SBF2: variants seen among roughly 807,000 people sequenced by gnomAD.
SBF2 encodes the protein myotubularin-related protein 13.
SBF2 carries 112 observed loss-of-function variants against 225.2 expected under a neutral mutation model. The observed-to-expected ratio is 0.50, with a 90% confidence interval of 0.43 to 0.58. The LOEUF (loss-of-function observed/expected upper bound fraction) is 0.58, where lower values mean the gene tolerates loss of function less well. Ranked by LOEUF, SBF2 falls within the 20% of genes least tolerant of loss-of-function variation. SBF2 has a pLI of 0.00. For missense variants in SBF2, 1,996 were observed against 2,206.2 expected, an observed-to-expected ratio of 0.90 and a Z score of 1.91; for synonymous variants, 763 against 773.3, an observed-to-expected ratio of 0.99 and a Z score of 0.22.
At chr11:9,988,737 A>C (rs1947295495) in intron 13 of SBF2, among the ~76,000 whole-genome samples, 1 of 152,206 alleles carries the variant, frequency 6.6e-6, no homozygotes, top group Non-Finnish European at 1.5e-5. Context: ...GGCCATAATC[A>C]AAAGATAAAA....
intron 1 of SBF2, among the ~76,000 whole-genome samples, chr11:10,223,434 T>TATATAG (rs1555082992): frequency 1.6e-5 from 2 of 122,632 alleles, no homozygotes; most frequent in East Asian, 4.4e-4. Context: ...TATATATATA[T>TATATAG]ATATATATAG....
At chr11:10,094,993 C>T (rs924743613) in intron 2 of SBF2, among the ~76,000 whole-genome samples, 6 of 151,720 alleles carry the variant, frequency 4.0e-5, no homozygotes, top group Non-Finnish European at 8.8e-5. Flanking sequence ...AAAAAGGAAC[C>T]ATCGAAGCCA....
Position 9,980,568 on chromosome 11 carries a change from T to C in SBF2, c.1395+8929A>G, listed in dbSNP as rs549421789. Among the ~76,000 whole-genome samples, 64 of 152,166 alleles carry C rather than the reference T, an allele frequency of 4.2e-4. 1 individual carries two copies. The highest frequency in any genetic ancestry group is 1.4e-3 in the African/African-American group (60 of 41,524). ...AGAATTTATAATGAACCACTAGCAATTGATAAAACAGAACTTAAGAATTTT... is the reference window on the plus strand; with the variant it reads ...AGAATTTATAATGAACCACTAGCAACTGATAAAACAGAACTTAAGAATTTT... On this transcript the variant is annotated intron_variant, in intron 13 of 39. Transcript: ENST00000256190.
At chr11:9,900,787 T>C (rs549076230) in intron 16 of SBF2, among the ~76,000 whole-genome samples, 1 of 152,198 alleles carries the variant, frequency 6.6e-6, no homozygotes, top group Non-Finnish European at 1.5e-5. Context: ...TTGCCTAGGC[T>C]GTGCAGTGGC....
At chr11:10,294,720 T>C (rs562228835), upstream of SBF2, among the ~76,000 whole-genome samples, 1 of 152,258 alleles carries the variant, frequency 6.6e-6, no homozygotes, top group South Asian at 2.1e-4. Context: ...TTTTACGCAA[T>C]CCTCCAAGGA....
At chr11:10,115,542 G>T (rs1953096545) in intron 2 of SBF2, among the ~76,000 whole-genome samples, 1 of 152,082 alleles carries the variant, frequency 6.6e-6, no homozygotes, top group South Asian at 2.1e-4. Flanking sequence ...TGTTCATTTG[G>T]AGTACACATA....
chr11:9,858,024 G>A (rs1045308720), intron 18 of SBF2, among the ~76,000 whole-genome samples: 3 of 152,140 alleles, frequency 2.0e-5, no homozygotes, highest in Non-Finnish European at 1.5e-5. Context: ...CAATCCTAGT[G>A]CTGAAGAACT....
chr11:10,000,631 A>G (rs1250369604), intron 8 of SBF2, among the ~76,000 whole-genome samples: 1 of 152,178 alleles, frequency 6.6e-6, no homozygotes, highest in African/African-American at 2.4e-5. Context: ...GTATAAATAG[A>G]ATTTTATCTT....
At chr11:9,953,575 G>T (rs1865985042) in intron 16 of SBF2, among the ~76,000 whole-genome samples, 1 of 152,210 alleles carries the variant, frequency 6.6e-6, no homozygotes, top group Admixed American at 6.5e-5. Context: ...AGTAAATAAG[G>T]ATTACTTTAT....
intron 2 of SBF2, among the ~76,000 whole-genome samples, chr11:10,090,293 C>T (rs1951724626): frequency 1.3e-5 from 2 of 152,046 alleles, no homozygotes; most frequent in Non-Finnish European, 2.9e-5. Context: ...TACTTAATGC[C>T]ACTGAACCAT....
At chr11:10,209,855 C>T (rs1465934134) in intron 1 of SBF2, among the ~76,000 whole-genome samples, 2 of 152,052 alleles carry the variant, frequency 1.3e-5, no homozygotes, top group Non-Finnish European at 2.9e-5. Context: ...GTCTCGAAGA[C>T]AACACTCAGG....
At chr11:10,132,542 G>A (rs1166685471) in intron 2 of SBF2, among the ~76,000 whole-genome samples, 3 of 147,728 alleles carry the variant, frequency 2.0e-5, no homozygotes, top group East Asian at 2.2e-4. Context: ...TTAAGGCAGC[G>A]CGTCTGGAGT....
intron 2 of SBF2, among the ~76,000 whole-genome samples, chr11:10,106,938 G>C (rs1310747275): frequency 6.6e-6 from 1 of 152,076 alleles, no homozygotes; most frequent in African/African-American, 2.4e-5. Flanking sequence ...TAATTCATTA[G>C]ACAAATGGAA....
At chr11:10,023,715 C>T (rs1010889463) in intron 6 of SBF2, among the ~76,000 whole-genome samples, 1 of 152,114 alleles carries the variant, frequency 6.6e-6, no homozygotes, top group Non-Finnish European at 1.5e-5. Context: ...TTCCATTTTA[C>T]GGCTGAATAA....
chr11:10,159,185 C>G (rs1344328525), intron 2 of SBF2, among the ~76,000 whole-genome samples: 2 of 152,136 alleles, frequency 1.3e-5, no homozygotes, highest in African/African-American at 4.8e-5. Context: ...CCAAGCTGTC[C>G]TTGTTTGTTC....
At chr11:10,203,348 T>C (rs1957634253) in intron 1 of SBF2, among the ~76,000 whole-genome samples, 1 of 152,136 alleles carries the variant, frequency 6.6e-6, no homozygotes. Flanking sequence ...CATAATTCAC[T>C]AGGCATCAGG....
intron 1 of SBF2, among the ~76,000 whole-genome samples, chr11:10,256,360 C>T (rs1035590245): frequency 3.1e-4 from 47 of 152,292 alleles, no homozygotes; most frequent in African/African-American, 1.1e-3. Flanking sequence ...TGATATCTCA[C>T]ATTGAAATTC....
At position 10,281,731 on chromosome 11, in the gene SBF2, ACCCAGT is replaced by A. The variant is rs372923284; in HGVS notation, c.55+12278_55+12283del. ...ACTCTAATGACTCTCAAGTCTTTGTACCCAGTCCCTACCTGTCCCATCTTTTGAAGT... is the reference window on the plus strand; with the variant it reads ...ACTCTAATGACTCTCAAGTCTTTGTACCCTACCTGTCCCATCTTTTGAAGT... On this transcript the variant is annotated intron_variant, in intron 1 of 39. Coordinates refer to ENST00000256190, the MANE Select transcript of SBF2 (RefSeq NM_030962.4). Among the ~76,000 whole-genome samples the A allele has an allele frequency of 7.4e-3, 1,124 of 152,278 alleles. 22 individuals carry two copies. Among genetic ancestry groups the A allele is most frequent in the African/African-American group, 0.026 (1,076 of 41,562 alleles).
chr11:10,062,668 T>C (rs1460925167), intron 2 of SBF2, among the ~76,000 whole-genome samples: 3 of 152,120 alleles, frequency 2.0e-5, no homozygotes, highest in Admixed American at 6.6e-5. Flanking sequence ...AGAACGGCTA[T>C]ATTAAAAATT....
Sources: allele counts gnomAD v4.1 joint callset (sites outside exome capture counted in the v4.1 genomes callset), GRCh38; gene constraint gnomAD v4.1.1; transcripts MANE v1.5; gene names NCBI Gene and HGNC (gene_info 2026-07-23, HGNC 2026-07-21).